The following LAMB1 variants were observed in gnomAD, a reference collection of about 807,000 sequenced individuals.
LAMB1 encodes the protein laminin subunit beta-1.
In LAMB1, 121 loss-of-function variants were observed where a neutral mutation model predicts 222.3. The observed-to-expected ratio is 0.54, with a 90% confidence interval of 0.47 to 0.63. The LOEUF (loss-of-function observed/expected upper bound fraction) is 0.63, where lower values mean the gene tolerates loss of function less well. Ranked by LOEUF, LAMB1 falls within the 30% of genes least tolerant of loss-of-function variation. LAMB1 has a pLI of 0.00. For missense variants in LAMB1, 2,172 were observed against 2,240.8 expected (o/e 0.97, Z 0.62); for synonymous variants, 794 against 807.2 (o/e 0.98, Z 0.28).
At chr7:107,970,939 GC>G (rs1406560862) in intron 13 of LAMB1, among the ~76,000 whole-genome samples, 1 of 152,130 alleles carries the variant, frequency 6.6e-6, no homozygotes, top group Non-Finnish European at 1.5e-5. Context: ...CACCATGTTG[GC>G]CTGGTTGGTC....
chr7:107,940,251 G>A lies in LAMB1; in HGVS notation c.3499C>T (p.Arg1167Ter), dbSNP rs748625715. ...VEGPRCDKCT[R>*]GYSGVFPDCT... ...TCAGGGAAGACCCCCGAGTACCCTCGCGTGCACTTGTCACAGCGTGGACCC... is the reference window on the plus strand; with the variant it reads ...TCAGGGAAGACCCCCGAGTACCCTCACGTGCACTTGTCACAGCGTGGACCC... The change falls in exon 25 of 34, where the codon CGA (arginine) becomes TGA (stop). Residue 1167 changes from arginine (R) to a stop codon, truncating the protein, a stop_gained. Coordinates refer to ENST00000222399, the MANE Select transcript of LAMB1 (RefSeq NM_002291.3). LOFTEE classifies it high-confidence loss of function. The A allele has an allele frequency of 9.9e-6, 16 of 1,614,182 alleles. No individual in the cohort carries two copies. The highest frequency in any genetic ancestry group is 2.2e-5 in the East Asian group (1 of 44,884).
intron 23 of LAMB1, among the ~76,000 whole-genome samples, chr7:107,951,715 GAA>G (rs1436976200): frequency 6.6e-6 from 1 of 152,174 alleles, no homozygotes; most frequent in African/African-American, 2.4e-5. Flanking sequence ...GAGAAGCTAA[GAA>G]AAGAGTCTGC....
At chr7:107,999,531 C>T (rs529756295) in intron 3 of LAMB1, among the ~76,000 whole-genome samples, 3 of 152,120 alleles carry the variant, frequency 2.0e-5, no homozygotes, top group South Asian at 4.1e-4. Flanking sequence ...TAGTTATTAC[C>T]TTCTTCTCAA....
chr7:107,940,435 C>T, intron 24 of LAMB1, 77 bp from the exon 25 acceptor site: 1 of 1,447,980 alleles, frequency 6.9e-7, no homozygotes, highest in South Asian at 1.3e-5. Flanking sequence ...TTAGAATACT[C>T]ACTTCACTGT....
At position 107,963,058 on chromosome 7, in the gene LAMB1, A is replaced by G; in HGVS notation, c.1704T>C (p.Val568=). Reference sequence around the variant, plus strand: ...GGATATATTGCCGCTCCACTATGCTAACCCCCTGAGGGCATGGCAAACAAT... The same window carrying G: ...GGATATATTGCCGCTCCACTATGCTGACCCCCTGAGGGCATGGCAAACAAT... The part of the protein sequence containing the change: ...EAEEANLGPG[V]SIVERQYIQD... The change falls in exon 15 of 34, where the codon GTT becomes GTC. Residue 568 remains valine (V), a synonymous_variant. Coordinates refer to ENST00000222399, the MANE Select transcript of LAMB1 (RefSeq NM_002291.3). The G allele has an allele frequency of 1.2e-6, 2 of 1,611,650 alleles. No individual in the cohort carries two copies. Among genetic ancestry groups the G allele is most frequent in the Non-Finnish European group, 1.7e-6 (2 of 1,178,762 alleles).
chr7:107,975,431 C>A lies in LAMB1; in HGVS notation c.1190-18G>T. ...CGTACATCCTGAGAAGAATGCAAAG[C>A]ACCAGGTTAAAATCAGGAGGAAACT... On this transcript the variant is annotated intron_variant, in intron 10 of 33. Transcript: ENST00000222399. 6.3e-7 allele frequency: 1 copy of A among 1,589,044 alleles called. No individual in the cohort carries two copies. The highest frequency in any genetic ancestry group is 1.8e-5 in the Admixed American group (1 of 54,990).
chr7:107,961,164 C>T (rs769027555), intron 17 of LAMB1, 42 bp downstream of exon 17: 33 of 1,612,808 alleles, frequency 2.0e-5, no homozygotes, highest in East Asian at 4.5e-5. Context: ...GCACTTTCCG[C>T]CCAGGCTTTC....
chr7:107,929,208 G>T lies in LAMB1; in HGVS notation c.4746-3C>A, dbSNP rs200654865. On this transcript the variant is annotated splice_polypyrimidine_tract_variant and splice_region_variant and intron_variant, in intron 30 of 33. Transcript: ENST00000222399. ...CTTTAACATCTGTTGCACTTTTGCT[G>T]AGTAAAAAATAATGAGACAGTATAT... is the stretch of plus-strand genomic sequence containing the variant. The T allele has an allele frequency of 1.7e-4, 269 of 1,613,830 alleles. No individual in the cohort carries two copies. Among genetic ancestry groups the T allele is most frequent in the Non-Finnish European group, 2.1e-4 (252 of 1,179,864 alleles).
chr7:107,947,983 CTTTTTTTTT>C (rs10630521), intron 24 of LAMB1, among the ~76,000 whole-genome samples: 3 of 117,256 alleles, frequency 2.6e-5, no homozygotes, highest in South Asian at 2.7e-4. Context: ...TCTTCTTCTT[CTTTTTTTTT>C]TTTTTTTTTT....
intron 2 of LAMB1, chr7:108,002,424 G>A: frequency 7.6e-7 from 1 of 1,313,958 alleles, no homozygotes; most frequent in Non-Finnish European, 1.0e-6. Context: ...GTTAATTAAA[G>A]CCACATGGCC....
chr7:107,975,133 A>T (rs2033825364), intron 11 of LAMB1, 35 bp from the exon 12 acceptor site: 11 of 1,527,982 alleles, frequency 7.2e-6, no homozygotes, highest in African/African-American at 1.4e-5. Context: ...AGAAACACAG[A>T]CCACGTGAGT....
At chr7:107,969,822 G>T (rs2033711384) in intron 13 of LAMB1, among the ~76,000 whole-genome samples, 1 of 152,160 alleles carries the variant, frequency 6.6e-6, no homozygotes, top group African/African-American at 2.4e-5. Flanking sequence ...ATGTAGAAAA[G>T]CTACAGTAAA....
At chr7:107,947,746 G>A (rs979383160) in intron 24 of LAMB1, among the ~76,000 whole-genome samples, 3 of 152,226 alleles carry the variant, frequency 2.0e-5, no homozygotes, top group East Asian at 3.9e-4. Context: ...TTGAGGATCC[G>A]ACACATTCTC....
At chr7:107,986,619 G>A (rs754119831) in intron 5 of LAMB1, among the ~76,000 whole-genome samples, 3 of 152,116 alleles carry the variant, frequency 2.0e-5, no homozygotes, top group Non-Finnish European at 4.4e-5. Context: ...TTTAGAAGCT[G>A]ATTATAAACA....
intron 7 of LAMB1, among the ~76,000 whole-genome samples, 156 bp downstream of exon 7, chr7:107,985,866 A>C (rs1584533246): frequency 6.6e-6 from 1 of 152,232 alleles, no homozygotes; most frequent in East Asian, 1.9e-4. Flanking sequence ...CTGAGGCAGG[A>C]GAATCACTTG....
Position 108,002,989 on chromosome 7 carries a change from A to G in LAMB1, c.-86-18T>C, listed in dbSNP as rs965945445. On this transcript the variant is annotated intron_variant, in intron 1 of 33. Coordinates refer to ENST00000222399, the MANE Select transcript of LAMB1 (RefSeq NM_002291.3). ...CTTCCTTTCTGGAGAGGTGGAAAGG[A>G]GGGGAAAAAAGGCAAATGTTCAAAG... 6.4e-7 allele frequency: 1 copy of G among 1,567,428 alleles called. No homozygotes were observed. Among genetic ancestry groups the G allele is most frequent in the East Asian group, 2.3e-5 (1 of 43,502 alleles).
rs191487514 is a variant in LAMB1, at chr7:107,963,334, G to A, written c.1699-271C>T. Among the ~76,000 whole-genome samples, 4 of 152,262 alleles carry A rather than the reference G, an allele frequency of 2.6e-5. No individual in the cohort carries two copies. In the East Asian group the frequency reaches 7.7e-4, roughly 29 times the overall value. On this transcript the variant is annotated intron_variant, in intron 14 of 33. Coordinates refer to ENST00000222399, the MANE Select transcript of LAMB1 (RefSeq NM_002291.3). Reference sequence around the variant, plus strand: ...GATATACCTTATTTGATATGACCAGGAGAGTAAGCATAAAAGAAAAAAGAG... The same window carrying A: ...GATATACCTTATTTGATATGACCAGAAGAGTAAGCATAAAAGAAAAAAGAG...
intron 13 of LAMB1, among the ~76,000 whole-genome samples, chr7:107,970,064 A>G (rs2033716350): frequency 6.6e-6 from 1 of 152,206 alleles, no homozygotes; most frequent in South Asian, 2.1e-4. Flanking sequence ...TGAGATGCAA[A>G]AACAAAGATG....
chr7:107,992,237 TTTC>T (rs2034199982), intron 5 of LAMB1, among the ~76,000 whole-genome samples: 1 of 152,158 alleles, frequency 6.6e-6, no homozygotes, highest in South Asian at 2.1e-4. Context: ...CAGTCCTAGG[TTTC>T]TTCTTTATTC....
Sources: gnomAD v4.1 joint callset for allele counts (sites outside exome capture counted in the v4.1 genomes callset) on GRCh38, gnomAD v4.1.1 for gene constraint, MANE v1.5 for transcripts, NCBI Gene and HGNC (gene_info 2026-07-23, HGNC 2026-07-21) for gene names.